CASP5: variants seen among roughly 807,000 people sequenced by gnomAD.
CASP5 encodes caspase 5.
In CASP5, 42 loss-of-function variants were observed where a neutral mutation model predicts 45.2. The ratio of observed to expected loss-of-function variants is 0.93; its 90% CI spans 0.73 to 1.20. CASP5 has a LOEUF of 1.20. Among genes scored for constraint, CASP5 ranks in the 50% most tolerant of loss-of-function variants. The probability of loss-of-function intolerance (pLI) is 0.00; values close to 1 mark genes in which losing one functional copy is unlikely to be tolerated. For synonymous variants in CASP5, 209 were observed against 186.2 expected, an observed-to-expected ratio of 1.12 and a Z score of -1.00; for missense variants, 512 against 532.2, an observed-to-expected ratio of 0.96 and a Z score of 0.37.
At chr11:105,014,987 G>C (rs1224679313) in intron 1 of CASP5, among the ~76,000 whole-genome samples, 1 of 152,208 alleles carries the variant, frequency 6.6e-6, no homozygotes, top group Non-Finnish European at 1.5e-5. Flanking sequence ...CTAACAGAGA[G>C]CAGTGTGGGA....
Position 105,007,168 on chromosome 11 carries a change from T to C in CASP5, c.348A>G (p.Val116=). 6.2e-7 allele frequency: 1 copy of C among 1,613,844 alleles called. No individual in the cohort carries two copies. The highest frequency in any genetic ancestry group is 2.2e-5 in the East Asian group (1 of 44,874). ...TKIEDKALIL[V]DSLRKNRVAH... ...CCACGCGATTCTTTCGCAAAGAGTC[T>C]ACCAAGATCAGGGCCTTGTCTTCAA... is the stretch of plus-strand genomic sequence containing the variant. The change falls in exon 3 of 10, where the codon GTA becomes GTG. Residue 116 remains valine (V), a synonymous_variant. Transcript: ENST00000260315.
chr11:105,007,729 A>G (rs1029566976), intron 2 of CASP5, among the ~76,000 whole-genome samples: 1 of 152,096 alleles, frequency 6.6e-6, no homozygotes, highest in Non-Finnish European at 1.5e-5. Context: ...ATACTACTAG[A>G]CTATACAATC....
intron 4 of CASP5, 55 bp from the exon 5 acceptor site, chr11:105,002,256 C>A (rs1591158087): frequency 1.3e-6 from 2 of 1,538,708 alleles, no homozygotes; most frequent in East Asian, 4.5e-5. Flanking sequence ...TTTCAACCCC[C>A]ATATGCCTCA....
At chr11:104,996,599 T>A (rs1361615683) in intron 8 of CASP5, among the ~76,000 whole-genome samples, 1 of 152,194 alleles carries the variant, frequency 6.6e-6, no homozygotes, top group Non-Finnish European at 1.5e-5. Context: ...AGAAGGAACA[T>A]TTATCTATTC....
At chr11:105,021,274 A>G (rs1862945927) in intron 1 of CASP5, among the ~76,000 whole-genome samples, 1 of 147,732 alleles carries the variant, frequency 6.8e-6, no homozygotes, top group Non-Finnish European at 1.5e-5. Context: ...CTAAAACACC[A>G]AAAGCAATGG....
rs767702689 is a variant in CASP5 at position 105,000,312 on chromosome 11, G to T, written c.901C>A (p.Leu301Ile). ...IFQIFNNRNC[L>I]SLKDKPKVII... ...ACCTTGGGTTTGTCCTTTAGACTGA[G>T]GCAGTTGCGGTTGTTGAATATCTGG... Residue 301 changes from leucine to isoleucine, a missense_variant, in exon 6 of 10, where the codon CTC becomes ATC. By Grantham distance (5) the Leu-to-Ile change is conservative. Transcript: ENST00000260315. The T allele has an allele frequency of 6.2e-7, 1 of 1,614,232 alleles. No individual in the cohort carries two copies. The highest frequency in any genetic ancestry group is 8.5e-7 in the Non-Finnish European group (1 of 1,180,038).
intron 4 of CASP5, among the ~76,000 whole-genome samples, chr11:105,002,579 A>C (rs1192297712): frequency 1.3e-5 from 2 of 152,210 alleles, no homozygotes; most frequent in Non-Finnish European, 2.9e-5. Flanking sequence ...TTTTGGTACT[A>C]TTTTAAAAAC....
chr11:105,001,332 A>G lies in CASP5; in HGVS notation c.717+696T>C, dbSNP rs142214092. 5.8e-3 allele frequency among the ~76,000 whole-genome samples: 877 copies of G among 152,332 alleles called. 7 individuals carry two copies. Among genetic ancestry groups the G allele is most frequent in the African/African-American group, 0.018 (742 of 41,570 alleles). Reference sequence around the variant, plus strand: ...CAGACTTATCCACAGTATCAGGAAAAGCTCTTGGCCCCAAAGTTTGGATTT... The same window carrying G: ...CAGACTTATCCACAGTATCAGGAAAGGCTCTTGGCCCCAAAGTTTGGATTT... On this transcript the variant is annotated intron_variant, in intron 5 of 9. Transcript: ENST00000260315.
At chr11:105,003,592 G>T (rs945573609) in intron 3 of CASP5, among the ~76,000 whole-genome samples, 1 of 151,860 alleles carries the variant, frequency 6.6e-6, no homozygotes, top group African/African-American at 2.4e-5. Flanking sequence ...CCACCAAGAA[G>T]AAGATGCAAC....
rs534347122 is a variant in CASP5 at position 105,011,942 on chromosome 11, T to A, written c.8-2962A>T. On this transcript the variant is annotated intron_variant, in intron 1 of 9. Coordinates refer to ENST00000260315, the MANE Select transcript of CASP5 (RefSeq NM_004347.5). ...TTTACAGAAATAGGAAAATCAACCT[T>A]AAAATTCATATGGAATTATTTAAAA... Among the ~76,000 whole-genome samples the A allele has an allele frequency of 1.4e-3, 211 of 151,900 alleles. 2 individuals are homozygous for A. The highest frequency in any genetic ancestry group is 5.0e-3 in the African/African-American group (207 of 41,524).
chr11:105,016,476 C>T (rs1397716647), intron 1 of CASP5, among the ~76,000 whole-genome samples: 1 of 152,112 alleles, frequency 6.6e-6, no homozygotes, highest in African/African-American at 2.4e-5. Flanking sequence ...CGAAGCAGGG[C>T]GAGGCATTGC....
intron 1 of CASP5, among the ~76,000 whole-genome samples, chr11:105,012,348 A>G (rs561820067): frequency 6.6e-6 from 1 of 151,978 alleles, no homozygotes; most frequent in African/African-American, 2.4e-5. Flanking sequence ...AAACGTGGAA[A>G]AGCTTAATGA....
At position 104,999,109 on chromosome 11, in the gene CASP5, A is replaced by C. The variant is rs958062369; in HGVS notation, c.953-81T>G. The C allele has an allele frequency of 1.4e-5, 17 of 1,214,532 alleles. No homozygotes were observed. In the East Asian group the frequency reaches 3.8e-4, roughly 27 times the overall value. 75.2% of individuals were successfully genotyped at this position (1,214,532 alleles called of 1,614,324 possible). A position where few individuals can be genotyped will look rare whatever the true frequency, so the allele number is the denominator to read the frequency against. On this transcript the variant is annotated intron_variant, in intron 6 of 9. Coordinates refer to ENST00000260315, the MANE Select transcript of CASP5 (RefSeq NM_004347.5). ...AATGCAGAACGTGTAGGTTTGTTACATAGTTACGCATGTACCATTGTGGTT... is the reference window on the plus strand; with the variant it reads ...AATGCAGAACGTGTAGGTTTGTTACCTAGTTACGCATGTACCATTGTGGTT...
intron 1 of CASP5, among the ~76,000 whole-genome samples, chr11:105,012,428 G>A (rs888411139): frequency 6.6e-6 from 1 of 151,802 alleles, no homozygotes; most frequent in Non-Finnish European, 1.5e-5. Context: ...ATTAAGATAT[G>A]AGATTACATC....
At chr11:105,018,191 G>A (rs1401736229) in intron 1 of CASP5, among the ~76,000 whole-genome samples, 5 of 151,472 alleles carry the variant, frequency 3.3e-5, no homozygotes, top group East Asian at 1.9e-4. Context: ...GGTACCAGCC[G>A]CTGCAAAATC....
At chr11:105,022,126 C>T (rs1421838648) in intron 1 of CASP5, among the ~76,000 whole-genome samples, 1 of 140,078 alleles carries the variant, frequency 7.1e-6, no homozygotes, top group Non-Finnish European at 1.5e-5. Context: ...CACATGGACA[C>T]AGGAAGGGGA....
chr11:105,006,384 T>C (rs1862000984), intron 3 of CASP5, among the ~76,000 whole-genome samples: 1 of 152,208 alleles, frequency 6.6e-6, no homozygotes, highest in African/African-American at 2.4e-5. Flanking sequence ...GGATCTCCAT[T>C]AATTACTCTT....
chr11:104,997,327 G>A, intron 8 of CASP5, 56 bp downstream of exon 8: 7 of 1,235,742 alleles, frequency 5.7e-6, no homozygotes, highest in Non-Finnish European at 8.4e-6. Flanking sequence ...AGTGAATAAT[G>A]ATAAATTCTT....
rs1237543793 is a variant in CASP5, at chr11:105,008,976, G to A, written c.12C>T (p.Asp4=). The change falls in exon 2 of 10, where the codon GAC becomes GAT. Residue 4 remains aspartate (D), a synonymous_variant. Transcript: ENST00000260315. ...TCTTACGCCTTTTTTTTTTGCCACT[G>A]TCTTCTATCAGAAATATAAAGACTC... MAE[D]SGKKKRRKNF... is the part of the protein sequence containing the mutation. 6.2e-7 allele frequency: 1 copy of A among 1,610,520 alleles called. No homozygotes were observed. The highest frequency in any genetic ancestry group is 1.1e-5 in the South Asian group (1 of 90,864).
Sources: allele counts gnomAD v4.1 joint callset (sites outside exome capture counted in the v4.1 genomes callset), GRCh38; gene constraint gnomAD v4.1.1; transcripts MANE v1.5; gene names NCBI Gene and HGNC (gene_info 2026-07-23, HGNC 2026-07-21).